C4orf36: variants seen among roughly 807,000 people sequenced by gnomAD.
C4orf36 encodes uncharacterized protein C4orf36.
A neutral mutation model predicts 12.2 loss-of-function variants in C4orf36; 11 were observed. The observed-to-expected ratio is 0.90, with a 90% confidence interval of 0.57 to 1.49. The LOEUF (loss-of-function observed/expected upper bound fraction) is 1.49. C4orf36 is among the 40% of genes most tolerant of loss of function. The pLI is 0.00. For missense variants in C4orf36, 137 were observed against 133.9 expected, an observed-to-expected ratio of 1.02 and a Z score of -0.11; for synonymous variants, 54 against 51.3, an observed-to-expected ratio of 1.05 and a Z score of -0.22.
At chr4:86,894,263 A>G (rs1260001368), upstream of C4orf36, among the ~76,000 whole-genome samples, 1 of 152,208 alleles carries the variant, frequency 6.6e-6, no homozygotes, top group South Asian at 2.1e-4. Flanking sequence ...CATCACACAG[A>G]TAAGTGTAAG....
At chr4:86,905,781 A>C in the C4orf36 span, among the ~76,000 whole-genome samples, 2 of 150,616 alleles carry the variant, frequency 1.3e-5, no homozygotes, top group South Asian at 4.2e-4. Flanking sequence ...GCAATGGCAC[A>C]ATCTTGGCTC....
chr4:86,903,518 G>A, the C4orf36 span, among the ~76,000 whole-genome samples: 3 of 152,330 alleles, frequency 2.0e-5, no homozygotes, highest in Middle Eastern at 0.01. Flanking sequence ...TAGGTTCGTG[G>A]TCTCGCTGGC....
chr4:86,909,410 A>G, the C4orf36 span, among the ~76,000 whole-genome samples: 1 of 152,184 alleles, frequency 6.6e-6, no homozygotes, highest in Non-Finnish European at 1.5e-5. Flanking sequence ...CCTACATAAC[A>G]AACAGCAAAC....
chr4:86,902,229 T>C, the C4orf36 span, among the ~76,000 whole-genome samples: 1 of 151,990 alleles, frequency 6.6e-6, no homozygotes, highest in African/African-American at 2.4e-5. Context: ...AAGACCAGCC[T>C]GGGCAACGTA....
In C4orf36 at chr4:86,876,328, G is replaced by T; in HGVS notation, c.*118C>A. The T allele has an allele frequency of 6.6e-7, 1 of 1,512,642 alleles. No homozygotes were observed. The allele number at this position is 1,512,642 out of a possible 1,614,324, so 93.7% of individuals were successfully genotyped here. On this transcript the variant is annotated 3_prime_UTR_variant, in exon 5 of 5. Coordinates refer to ENST00000295898, the MANE Select transcript of C4orf36 (RefSeq NM_144645.4). ...GGAGGCTTCCTGAGGTGGGGGCCGG[G>T]CCAGGATGGCTGCAGCGCAGCGACG...
upstream of C4orf36, among the ~76,000 whole-genome samples, chr4:86,893,419 T>G (rs1383809835): frequency 6.6e-6 from 1 of 152,072 alleles, no homozygotes; most frequent in African/African-American, 2.4e-5. Context: ...AAACCCTGTC[T>G]CTACTAAAAT....
the C4orf36 span, among the ~76,000 whole-genome samples, chr4:86,928,551 A>T: frequency 1.2e-4 from 18 of 152,154 alleles, no homozygotes; most frequent in African/African-American, 2.4e-5. Flanking sequence ...CCTAGACTAG[A>T]CTAGACTAGA....
At chr4:86,914,168 C>T in the C4orf36 span, 12 of 1,593,782 alleles carry the variant, frequency 7.5e-6, no homozygotes, top group Admixed American at 8.3e-5. Flanking sequence ...CAAATTTGTT[C>T]CCTAGTGGGG....
chr4:86,914,536 G>T, the C4orf36 span: 1 of 466,234 alleles, frequency 2.1e-6, no homozygotes, highest in Admixed American at 3.5e-5. Flanking sequence ...GGGTAGCTGG[G>T]ATTACAGGCG....
At chr4:86,919,440 A>G in the C4orf36 span, among the ~76,000 whole-genome samples, 3 of 147,036 alleles carry the variant, frequency 2.0e-5, no homozygotes, top group South Asian at 6.5e-4. Flanking sequence ...CTCCTGCCTC[A>G]GCCTCCTGAG....
At chr4:86,913,703 C>T in the C4orf36 span, 2 of 1,603,892 alleles carry the variant, frequency 1.2e-6, no homozygotes, top group Non-Finnish European at 8.5e-7. Flanking sequence ...CCAGGCGGCT[C>T]CCACTGGCAG....
chr4:86,891,574 G>A lies in C4orf36; in HGVS notation c.-54C>T. The A allele has an allele frequency of 6.2e-7, 1 of 1,612,982 alleles. No homozygotes were observed. The highest frequency in any genetic ancestry group is 8.5e-7 in the Non-Finnish European group (1 of 1,179,564). Reference sequence around the variant, plus strand: ...CATAGGTGCCTGATGGAATGTCACAGATAACTCTGTTCACTTTACCTGAAA... The same window carrying A: ...CATAGGTGCCTGATGGAATGTCACAAATAACTCTGTTCACTTTACCTGAAA... On this transcript the variant is annotated 5_prime_UTR_variant, in exon 2 of 5. Coordinates refer to ENST00000295898, the MANE Select transcript of C4orf36 (RefSeq NM_144645.4).
At chr4:86,893,535 G>A (rs916642111), upstream of C4orf36, among the ~76,000 whole-genome samples, 1 of 151,090 alleles carries the variant, frequency 6.6e-6, no homozygotes, top group Non-Finnish European at 1.5e-5. Context: ...GCAGTGAGCC[G>A]AGATGGCGCC....
intron 4 of C4orf36, among the ~76,000 whole-genome samples, chr4:86,884,494 C>T (rs567135004): frequency 6.6e-5 from 10 of 151,524 alleles, no homozygotes; most frequent in Non-Finnish European, 1.2e-4. Flanking sequence ...TTGTGGAGAC[C>T]GGGTCTCCCT....
chr4:86,885,988 T>C (rs1189504449), intron 4 of C4orf36, among the ~76,000 whole-genome samples: 2 of 152,256 alleles, frequency 1.3e-5, no homozygotes, highest in East Asian at 3.8e-4. Context: ...TCTGTTTATA[T>C]GCTGGATTAC....
chr4:86,916,735 C>T, the C4orf36 span, among the ~76,000 whole-genome samples: 2 of 152,206 alleles, frequency 1.3e-5, no homozygotes, highest in Non-Finnish European at 2.9e-5. Context: ...CCTCCACAGA[C>T]TCATAGAATA....
At chr4:86,926,755 C>T in the C4orf36 span, among the ~76,000 whole-genome samples, 11 of 152,144 alleles carry the variant, frequency 7.2e-5, no homozygotes, top group Admixed American at 1.3e-4. Flanking sequence ...TCTGCCATAC[C>T]GGGTCATTCT....
chr4:86,887,622 C>A lies in C4orf36; in HGVS notation c.*2+136G>T, dbSNP rs1286709296. ...AAGATCTGTCAGAACTGGGTACTAA[C>A]CCACAGCTGTGGGCAGTGGCCCATC... On this transcript the variant is annotated intron_variant, in intron 4 of 4. Coordinates refer to ENST00000295898, the MANE Select transcript of C4orf36 (RefSeq NM_144645.4). 3.0e-6 allele frequency: 3 copies of A among 1,014,924 alleles called. No homozygotes were observed. In the African/African-American group the frequency reaches 4.8e-5, roughly 16 times the overall value. 62.9% of individuals were successfully genotyped at this position (1,014,924 alleles called of 1,614,324 possible).
chr4:86,899,773 G>A, the C4orf36 span, among the ~76,000 whole-genome samples: 24 of 152,220 alleles, frequency 1.6e-4, no homozygotes, highest in Non-Finnish European at 3.2e-4. Flanking sequence ...AGAAGTTGCT[G>A]TGAGCCAAGA....
Sources: gnomAD v4.1 joint callset for allele counts (sites outside exome capture counted in the v4.1 genomes callset) on GRCh38, gnomAD v4.1.1 for gene constraint, MANE v1.5 for transcripts, NCBI Gene and HGNC (gene_info 2026-07-23, HGNC 2026-07-21) for gene names.